The following TBC1D5 variants were observed in gnomAD, a reference collection of about 807,000 sequenced individuals.
TBC1D5 encodes the protein TBC1 domain family member 5, also known as TBC1 domain family, member 5.
TBC1D5 carries 75 observed loss-of-function variants against 100.3 expected under a neutral mutation model. The observed-to-expected ratio is 0.75, with a 90% CI of 0.62 to 0.91. The LOEUF (loss-of-function observed/expected upper bound fraction) is 0.91. Ranked by LOEUF, TBC1D5 falls within the 40% of genes least tolerant of loss-of-function variation. TBC1D5 has a pLI of 0.00. For missense variants in TBC1D5, 910 were observed against 942.4 expected, an observed-to-expected ratio of 0.97 and a Z score of 0.45; for synonymous variants, 323 against 325.6, an observed-to-expected ratio of 0.99 and a Z score of 0.09.
chr3:17,248,194 G>A (rs1440932891), intron 16 of TBC1D5, among the ~76,000 whole-genome samples: 2 of 152,104 alleles, frequency 1.3e-5, no homozygotes, highest in Admixed American at 6.6e-5. Flanking sequence ...GTTTCACCAT[G>A]TTGGCCAGGC....
chr3:17,570,416 C>A (rs932739024), intron 2 of TBC1D5, among the ~76,000 whole-genome samples: 1 of 151,898 alleles, frequency 6.6e-6, no homozygotes, highest in Non-Finnish European at 1.5e-5. Context: ...CCTAACGTCA[C>A]ACAACTATAA....
intron 3 of TBC1D5, among the ~76,000 whole-genome samples, chr3:17,490,922 T>C (rs546589908): frequency 2.0e-5 from 3 of 152,356 alleles, no homozygotes; most frequent in South Asian, 2.1e-4. Flanking sequence ...TTCACAATAT[T>C]GTTTCTTCCT....
intron 8 of TBC1D5, among the ~76,000 whole-genome samples, chr3:17,401,295 G>T (rs1325267463): frequency 1.4e-5 from 2 of 144,342 alleles, no homozygotes; most frequent in Admixed American, 7.0e-5. Context: ...ATATATGTAT[G>T]TGTATAATAC....
chr3:17,506,183 T>A (rs1386846462), intron 3 of TBC1D5, among the ~76,000 whole-genome samples: 1 of 152,024 alleles, frequency 6.6e-6, no homozygotes, highest in Non-Finnish European at 1.5e-5. Flanking sequence ...TAAGCAAACA[T>A]AATAGAAAGG....
intron 3 of TBC1D5, among the ~76,000 whole-genome samples, chr3:17,461,998 A>T (rs1232344736): frequency 6.6e-6 from 1 of 152,144 alleles, no homozygotes; most frequent in African/African-American, 2.4e-5. Flanking sequence ...GGCAAATTTC[A>T]ACCCAGTCTT....
chr3:17,531,586 AC>A (rs2096226629), intron 2 of TBC1D5, among the ~76,000 whole-genome samples: 1 of 152,192 alleles, frequency 6.6e-6, no homozygotes, highest in Non-Finnish European at 1.5e-5. Flanking sequence ...TTCAAACTAT[AC>A]TACAAGGCTA....
At chr3:17,272,888 A>G (rs2079573015) in intron 15 of TBC1D5, among the ~76,000 whole-genome samples, 1 of 152,178 alleles carries the variant, frequency 6.6e-6, no homozygotes. Context: ...GGGAAATGCT[A>G]AAGTATATGT....
chr3:17,458,952 C>T (rs192571228), intron 3 of TBC1D5, among the ~76,000 whole-genome samples: 7 of 152,256 alleles, frequency 4.6e-5, no homozygotes, highest in Non-Finnish European at 5.9e-5. Context: ...AGTTAACTAA[C>T]GCGTAGCCAT....
intron 8 of TBC1D5, among the ~76,000 whole-genome samples, chr3:17,390,064 T>C (rs1490926551): frequency 6.6e-6 from 1 of 152,152 alleles, no homozygotes; most frequent in Non-Finnish European, 1.5e-5. Context: ...AGACATTTGA[T>C]TATACAAAGA....
At chr3:17,532,018 CAAAAG>C (rs1055310687) in intron 2 of TBC1D5, among the ~76,000 whole-genome samples, 2 of 152,084 alleles carry the variant, frequency 1.3e-5, no homozygotes, top group African/African-American at 4.8e-5. Context: ...TTCTGAACAG[CAAAAG>C]AAACTACCGT....
intron 15 of TBC1D5, among the ~76,000 whole-genome samples, chr3:17,261,649 G>C (rs979781962): frequency 6.6e-6 from 1 of 151,890 alleles, no homozygotes; most frequent in Non-Finnish European, 1.5e-5. Flanking sequence ...CAGCCTCCTG[G>C]TAGTTGGGAC....
At chr3:17,404,942 G>T (rs1423951065) in exon 6 of TBC1D5, 3 of 1,593,612 alleles carry the variant, frequency 1.9e-6, no homozygotes. Flanking sequence ...TTTGTCTTGA[G>T]GAAGAACACA....
chr3:17,160,874 A>G (rs1302091076), exon 22 of TBC1D5: 1 of 1,462,420 alleles, frequency 6.8e-7, no homozygotes, highest in East Asian at 2.4e-5. Context: ...CAGTGGTTTA[A>G]GAAGGTTCTC....
In TBC1D5 at chr3:17,415,796, C is replaced by G. The variant is rs1361502945; in HGVS notation, c.168-9270G>C. ...ATTCCATGGTTTACTCATGCTTCCT[C>G]TATAATTAATAAGGAAAAAATCCTC... On this transcript the variant is annotated intron_variant, in intron 4 of 21. Transcript: ENST00000253692. 4.6e-5 allele frequency among the ~76,000 whole-genome samples: 7 copies of G among 152,188 alleles called. No homozygotes were observed. The East Asian group carries it at 1.4e-3, about 29-fold the overall frequency.
chr3:17,326,218 G>C lies in TBC1D5; in HGVS notation c.996-18084C>G, dbSNP rs2151041691. Among the ~76,000 whole-genome samples, 5 of 152,196 alleles carry C rather than the reference G, an allele frequency of 3.3e-5. 1 individual carries two copies. The South Asian group carries it at 1.0e-3, about 32-fold the overall frequency. ...AGAGAACCTGAAATAACTAATCAAA[G>C]AGAGCAAAACTGTGTTCCATCCAGA... On this transcript the variant is annotated intron_variant, in intron 13 of 21. Coordinates refer to ENST00000253692, the Ensembl canonical transcript of TBC1D5.
At chr3:17,173,995 A>G (rs567893533) in intron 19 of TBC1D5, among the ~76,000 whole-genome samples, 16 of 152,272 alleles carry the variant, frequency 1.1e-4, no homozygotes, top group African/African-American at 3.8e-4. Flanking sequence ...CAAATTCATC[A>G]TGCAACCTCC....
intron 9 of TBC1D5, among the ~76,000 whole-genome samples, chr3:17,382,726 A>G (rs1372604505): frequency 6.6e-6 from 1 of 151,778 alleles, no homozygotes; most frequent in African/African-American, 2.4e-5. Flanking sequence ...ATGCCCAGCT[A>G]ATTTTGTGGT....
intron 3 of TBC1D5, among the ~76,000 whole-genome samples, chr3:17,478,239 C>G (rs2095461446): frequency 6.6e-6 from 1 of 151,950 alleles, no homozygotes; most frequent in Admixed American, 6.6e-5. Context: ...GTAATGCCAT[C>G]TTTTTTTGGC....
chr3:17,716,199 C>G (rs2075225458), intron 1 of TBC1D5, among the ~76,000 whole-genome samples: 1 of 152,172 alleles, frequency 6.6e-6, no homozygotes, highest in African/African-American at 2.4e-5. Context: ...ATTGCTGGGA[C>G]TACCATAATG....
Sources: allele counts gnomAD v4.1 joint callset (sites outside exome capture counted in the v4.1 genomes callset), GRCh38; gene constraint gnomAD v4.1.1; transcripts MANE v1.5; gene names NCBI Gene and HGNC (gene_info 2026-07-23, HGNC 2026-07-21).